BMAL2: variants seen among roughly 807,000 people sequenced by gnomAD.
The protein encoded by BMAL2 is basic helix-loop-helix ARNT like 2, also known as basic helix-loop-helix ARNT-like protein 2.
the BMAL2 span, among the ~76,000 whole-genome samples, chr12:27,354,597 C>T: frequency 6.6e-6 from 1 of 152,092 alleles, no homozygotes; most frequent in East Asian, 1.9e-4. Flanking sequence ...ACCCAAAACA[C>T]AGTCAACACA....
the BMAL2 span, among the ~76,000 whole-genome samples, chr12:27,352,359 G>A: frequency 1.3e-5 from 2 of 152,312 alleles, no homozygotes; most frequent in South Asian, 2.1e-4. Context: ...CTCATGTGAC[G>A]GGTCACAGTT....
the BMAL2 span, among the ~76,000 whole-genome samples, chr12:27,353,022 C>T: frequency 6.6e-6 from 1 of 152,148 alleles, no homozygotes; most frequent in African/African-American, 2.4e-5. Context: ...TTTACAGATT[C>T]AGTGCTATTT....
the BMAL2 span, chr12:27,387,161 T>C: frequency 3.1e-6 from 3 of 981,428 alleles, no homozygotes; most frequent in East Asian, 2.4e-5. Context: ...TGAATGTGTG[T>C]GTGTGTGTGC....
At chr12:27,410,660 G>A in the BMAL2 span, among the ~76,000 whole-genome samples, 4 of 152,062 alleles carry the variant, frequency 2.6e-5, no homozygotes, top group African/African-American at 4.8e-5. Flanking sequence ...AAGAGTTAAT[G>A]GGTGCAGCAC....
chr12:27,419,677 CA>C, the BMAL2 span, among the ~76,000 whole-genome samples: 1 of 152,152 alleles, frequency 6.6e-6, no homozygotes, highest in Non-Finnish European at 1.5e-5. Flanking sequence ...TAAAGAGAAG[CA>C]AAGGACTTGA....
chr12:27,401,289 A>G, the BMAL2 span: 1 of 1,614,132 alleles, frequency 6.2e-7, no homozygotes, highest in Non-Finnish European at 8.5e-7. Flanking sequence ...CTGCCTCAGG[A>G]ACTTTTGGGA....
At chr12:27,374,277 A>T in the BMAL2 span, among the ~76,000 whole-genome samples, 1 of 152,350 alleles carries the variant, frequency 6.6e-6, no homozygotes, top group South Asian at 2.1e-4. Flanking sequence ...CCAGAAAAAA[A>T]AAAGCAAGTC....
chr12:27,415,846 G>A, the BMAL2 span: 1 of 1,520,018 alleles, frequency 6.6e-7, no homozygotes, highest in Non-Finnish European at 9.1e-7. Flanking sequence ...AATTAAAAAT[G>A]TTTTATGTAT....
At chr12:27,398,565 A>T in the BMAL2 span, among the ~76,000 whole-genome samples, 81 of 98,062 alleles carry the variant, frequency 8.3e-4, no homozygotes, top group African/African-American at 1.8e-3. Flanking sequence ...GGGATTTTTA[A>T]AAAAAAAACT....
At chr12:27,357,659 T>TG in the BMAL2 span, among the ~76,000 whole-genome samples, 1 of 152,108 alleles carries the variant, frequency 6.6e-6, no homozygotes. Context: ...GGTACTGGTA[T>TG]GAAAATAGGC....
At chr12:27,368,457 G>A in the BMAL2 span, 2 of 1,582,266 alleles carry the variant, frequency 1.3e-6, no homozygotes, top group African/African-American at 1.4e-5. Context: ...TTTGACTTTA[G>A]GGAGAAGAGG....
At chr12:27,374,000 G>A in the BMAL2 span, among the ~76,000 whole-genome samples, 1 of 152,118 alleles carries the variant, frequency 6.6e-6, no homozygotes, top group Non-Finnish European at 1.5e-5. Context: ...TGAATTGTTT[G>A]ACTAAGAAGA....
At chr12:27,342,298 A>G in the BMAL2 span, among the ~76,000 whole-genome samples, 1 of 152,248 alleles carries the variant, frequency 6.6e-6, no homozygotes, top group Non-Finnish European at 1.5e-5. Context: ...AGTTACTTGT[A>G]AACAGAAACT....
At chr12:27,335,504 T>A in the BMAL2 span, among the ~76,000 whole-genome samples, 1 of 152,188 alleles carries the variant, frequency 6.6e-6, no homozygotes, top group East Asian at 1.9e-4. Flanking sequence ...AAGATCCAAT[T>A]CTTTTACATG....
chr12:27,415,853 G>A, the BMAL2 span: 7 of 1,550,620 alleles, frequency 4.5e-6, no homozygotes, highest in East Asian at 4.5e-5. Flanking sequence ...AATGTTTTAT[G>A]TATCACTTTT....
At chr12:27,386,693 G>A in the BMAL2 span, among the ~76,000 whole-genome samples, 85 of 152,128 alleles carry the variant, frequency 5.6e-4, no homozygotes, top group African/African-American at 1.8e-3. Context: ...GCAGTGGTGC[G>A]ATCTCGGCTC....
chr12:27,372,056 C>T, the BMAL2 span, among the ~76,000 whole-genome samples: 1 of 152,200 alleles, frequency 6.6e-6, no homozygotes, highest in African/African-American at 2.4e-5. Context: ...TGGTGAAACC[C>T]CATCTCTACT....
At chr12:27,338,055 G>T in the BMAL2 span, among the ~76,000 whole-genome samples, 2 of 152,152 alleles carry the variant, frequency 1.3e-5, no homozygotes, top group African/African-American at 4.8e-5. Flanking sequence ...GCCAGAATTG[G>T]TTCTTACTCA....
At chr12:27,411,089 A>G in the BMAL2 span, among the ~76,000 whole-genome samples, 276 of 152,254 alleles carry the variant, frequency 1.8e-3, no homozygotes, top group Middle Eastern at 3.4e-3. Context: ...ATATATCTCT[A>G]TATCTTAAAC....
Sources: allele counts gnomAD v4.1 joint callset (sites outside exome capture counted in the v4.1 genomes callset), GRCh38; gene constraint gnomAD v4.1.1; transcripts MANE v1.5; gene names NCBI Gene and HGNC (gene_info 2026-07-23, HGNC 2026-07-21).